Variants in CEP85L observed in about 807,000 individuals in gnomAD.
CEP85L encodes centrosomal protein 85L.
CEP85L carries 60 observed loss-of-function variants against 100.3 expected under a neutral mutation model. The ratio of observed to expected loss-of-function variants is 0.60; its 90% CI spans 0.49 to 0.74. The LOEUF (loss-of-function observed/expected upper bound fraction) is 0.74, where lower values mean the gene tolerates loss of function less well. Ranked by LOEUF, CEP85L falls within the 30% of genes least tolerant of loss-of-function variation. The pLI is 0.00. For synonymous variants in CEP85L, 319 were observed against 322.7 expected (o/e 0.99, Z 0.12); for missense variants, 973 against 936.2 (o/e 1.04, Z -0.51).
At chr6:118,585,041 C>A (rs1780778849) in intron 2 of CEP85L, among the ~76,000 whole-genome samples, 1 of 152,160 alleles carries the variant, frequency 6.6e-6, no homozygotes, top group Non-Finnish European at 1.5e-5. Flanking sequence ...CCAGACTGGA[C>A]CCTCTTGACA....
intron 4 of CEP85L, among the ~76,000 whole-genome samples, chr6:118,520,940 T>C (rs1776630096): frequency 6.6e-6 from 1 of 152,238 alleles, no homozygotes; most frequent in Non-Finnish European, 1.5e-5. Flanking sequence ...GAACAGTTTC[T>C]ATAGCAGTTA....
chr6:118,679,230 C>A (rs1263798801), intron 1 of CEP85L, among the ~76,000 whole-genome samples: 2 of 152,082 alleles, frequency 1.3e-5, no homozygotes, highest in Admixed American at 1.3e-4. Context: ...ATTTACATGT[C>A]TGATTATTTT....
intron 1 of CEP85L, among the ~76,000 whole-genome samples, chr6:118,685,044 A>G (rs1463744011): frequency 6.6e-6 from 1 of 152,214 alleles, no homozygotes; most frequent in Non-Finnish European, 1.5e-5. Flanking sequence ...CTATTAATAT[A>G]CTAATTATTC....
chr6:118,558,707 CATG>C, intron 3 of CEP85L: 2 of 530,482 alleles, frequency 3.8e-6, no homozygotes, highest in Non-Finnish European at 6.8e-6. Context: ...ACTATAGAAA[CATG>C]ATGTTATAAA....
chr6:118,524,960 G>T (rs908529768), intron 3 of CEP85L, among the ~76,000 whole-genome samples: 14 of 152,206 alleles, frequency 9.2e-5, no homozygotes, highest in African/African-American at 3.4e-4. Flanking sequence ...AAATCAATCT[G>T]TGAGGTGGAG....
intron 2 of CEP85L, among the ~76,000 whole-genome samples, chr6:118,603,010 T>G (rs1487880067): frequency 2.6e-5 from 4 of 152,034 alleles, no homozygotes; most frequent in Non-Finnish European, 4.4e-5. Flanking sequence ...TTAGTAGAGA[T>G]AGGGTTTCAC....
intron 2 of CEP85L, among the ~76,000 whole-genome samples, chr6:118,605,389 G>A (rs1772122177): frequency 6.6e-6 from 1 of 152,144 alleles, no homozygotes; most frequent in South Asian, 2.1e-4. Context: ...ATACTTCTCC[G>A]ATCCAAGTGT....
chr6:118,632,742 A>C, intron 1 of CEP85L, 131 bp from the exon 2 acceptor site: 1 of 591,664 alleles, frequency 1.7e-6, no homozygotes, highest in Non-Finnish European at 2.7e-6. Context: ...ATAATTTAAA[A>C]TGATCAACAA....
In CEP85L at chr6:118,497,665, G is replaced by A. The variant is rs117518723; in HGVS notation, c.1258-5800C>T. Among the ~76,000 whole-genome samples the A allele has an allele frequency of 1.0e-3, 152 of 152,238 alleles. 1 individual carries two copies. The East Asian group carries it at 0.02, about 20-fold the overall frequency. On this transcript the variant is annotated intron_variant, in intron 5 of 12. Coordinates refer to ENST00000368491, the MANE Select transcript of CEP85L (RefSeq NM_001042475.3). ...CACTCTGAAGTTATCCTTCAAGAGC[G>A]AAAGAGAAAGACTTCCACAGACAAA...
At chr6:118,481,147 A>G (rs1347627065) in intron 8 of CEP85L, among the ~76,000 whole-genome samples, 2 of 152,076 alleles carry the variant, frequency 1.3e-5, no homozygotes, top group African/African-American at 4.8e-5. Context: ...TAAAGTTAGA[A>G]ATAGGAGCCA....
At chr6:118,493,785 T>C (rs1774725309) in intron 5 of CEP85L, among the ~76,000 whole-genome samples, 1 of 152,158 alleles carries the variant, frequency 6.6e-6, no homozygotes, top group South Asian at 2.1e-4. Context: ...CTTAAGCAGA[T>C]ATACTTAATA....
At chr6:118,502,582 C>T (rs765156670) in intron 5 of CEP85L, 4 of 470,810 alleles carry the variant, frequency 8.5e-6, no homozygotes, top group African/African-American at 2.0e-5. Flanking sequence ...TTTGGCGCTC[C>T]GGTTGAAGTT....
At chr6:118,501,793 G>T in intron 5 of CEP85L, 1 of 1,103,212 alleles carries the variant, frequency 9.1e-7, no homozygotes, top group South Asian at 1.2e-5. Flanking sequence ...GAGTGGGGAG[G>T]ATGGAGGCTG....
At chr6:118,587,758 T>G (rs1780952788) in intron 2 of CEP85L, among the ~76,000 whole-genome samples, 1 of 152,180 alleles carries the variant, frequency 6.6e-6, no homozygotes, top group Non-Finnish European at 1.5e-5. Flanking sequence ...ACGTCTCTAA[T>G]TTTTCAAAAC....
intron 2 of CEP85L, among the ~76,000 whole-genome samples, chr6:118,566,767 T>C (rs1034048425): frequency 6.6e-5 from 10 of 152,220 alleles, no homozygotes; most frequent in Non-Finnish European, 8.8e-5. Flanking sequence ...AAATTATTAT[T>C]ATCCTTTTAT....
chr6:118,491,126 AGTT>A (rs1244152537), intron 6 of CEP85L, among the ~76,000 whole-genome samples: 5 of 151,518 alleles, frequency 3.3e-5, no homozygotes, highest in South Asian at 2.1e-4. Flanking sequence ...TGTTTTCCAT[AGTT>A]GTTGTACTCG....
chr6:118,567,367 C>T (rs1007710680), intron 2 of CEP85L, among the ~76,000 whole-genome samples: 7 of 149,476 alleles, frequency 4.7e-5, no homozygotes, highest in Admixed American at 3.4e-4. Context: ...CCAAGTTGTA[C>T]ATTTTTACCT....
intron 2 of CEP85L, among the ~76,000 whole-genome samples, chr6:118,600,296 T>TGGGGGGGGGGGGGGG (rs1554228034): frequency 2.9e-5 from 1 of 34,170 alleles, no homozygotes; most frequent in African/African-American, 9.0e-5. Context: ...TGAGCCTTCC[T>TGGGGGGGGGGGGGGG]GGGGGTGTGT....
chr6:118,505,559 T>C (rs1240772749), intron 5 of CEP85L, among the ~76,000 whole-genome samples: 1 of 148,802 alleles, frequency 6.7e-6, no homozygotes, highest in Non-Finnish European at 1.5e-5. Flanking sequence ...TAAAGAAAAA[T>C]GAACTATCAA....
Sources: allele counts gnomAD v4.1 joint callset (sites outside exome capture counted in the v4.1 genomes callset), GRCh38; gene constraint gnomAD v4.1.1; transcripts MANE v1.5; gene names NCBI Gene and HGNC (gene_info 2026-07-23, HGNC 2026-07-21).